Variants in STIL observed in about 807,000 individuals in gnomAD.
The protein encoded by STIL is SCL-interrupting locus protein.
STIL carries 55 observed loss-of-function variants against 110.1 expected under a neutral mutation model. The observed-to-expected ratio is 0.50, with a 90% CI of 0.40 to 0.63. The LOEUF is 0.63. STIL is among the 20% of genes least tolerant of loss of function. The probability of loss-of-function intolerance (pLI) is 0.00; values close to 1 mark genes in which losing one functional copy is unlikely to be tolerated. For synonymous variants in STIL, 481 were observed against 530.0 expected (o/e 0.91, Z 1.27); for missense variants, 1,358 against 1,530.0 (o/e 0.89, Z 1.87).
chr1:47,250,962 G>T lies in STIL; in HGVS notation c.*174C>A. ...TTGAACAGCTCTATTTGAACAATGA[G>T]AACTTAGTCCTATCACCAGCCAGCC... On this transcript the variant is annotated 3_prime_UTR_variant, in exon 17 of 17. Transcript: ENST00000371877. 1.6e-6 allele frequency: 1 copy of T among 616,970 alleles called. No homozygotes were observed. Among genetic ancestry groups the T allele is most frequent in the Non-Finnish European group, 2.8e-6 (1 of 357,364 alleles). 38.2% of individuals were successfully genotyped at this position (616,970 alleles called of 1,614,324 possible).
upstream of STIL, chr1:47,314,188 A>T (rs936929187): frequency 1.3e-5 from 2 of 152,208 alleles, no homozygotes; most frequent in Non-Finnish European, 2.9e-5. Context: ...AGGCCGCGCC[A>T]CGCCTGCTGA....
At chr1:47,274,702 TAAA>T (rs1177801134) in intron 12 of STIL, among the ~76,000 whole-genome samples, 1 of 137,846 alleles carries the variant, frequency 7.3e-6, no homozygotes, top group African/African-American at 2.7e-5. Flanking sequence ...TCTTCTCCAT[TAAA>T]AAAAAAAAAG....
chr1:47,280,934 T>C lies in STIL; in HGVS notation c.1524A>G (p.Pro508=), dbSNP rs781206759. The change falls in exon 12 of 17, where the codon CCA becomes CCG. Residue 508 remains proline, a synonymous_variant. Transcript: ENST00000371877. ...ALLRHCKVRQ[P]PAYKKGNPHT... ...GGGGGTTCCCTTTCTTATAGGCAGG[T>C]GGCTGTCTTACTTTGCAGTGTCTCA... 6.2e-7 allele frequency: 1 copy of C among 1,612,926 alleles called. No homozygotes were observed. Among genetic ancestry groups the C allele is most frequent in the Non-Finnish European group, 8.5e-7 (1 of 1,179,774 alleles).
chr1:47,260,493 T>G lies in STIL; in HGVS notation c.2876A>C (p.Gln959Pro). The G allele has an allele frequency of 6.2e-7, 1 of 1,614,248 alleles. No homozygotes were observed. Among genetic ancestry groups the G allele is most frequent in the Non-Finnish European group, 8.5e-7 (1 of 1,180,042 alleles). The change falls in exon 16 of 17, where the codon CAG (glutamine) becomes CCG (proline). Residue 959 changes from glutamine to proline, a missense_variant. Transcript: ENST00000371877. ...GATAATTACTGCTTTGGTAGACGGC[T>G]GCTCAGTTTCCTTGGAGGAACTATT... is the stretch of plus-strand genomic sequence containing the variant. ...LLNSSSKETE[Q>P]PSTKAVIISH...
At position 47,260,878 on chromosome 1, in the gene STIL, T is replaced by A. The variant is rs146333610; in HGVS notation, c.2830-339A>T. Among the ~76,000 whole-genome samples the A allele has an allele frequency of 2.6e-3, 393 of 151,938 alleles. 1 individual carries two copies. Among genetic ancestry groups the A allele is most frequent in the African/African-American group, 9.0e-3 (374 of 41,440 alleles). On this transcript the variant is annotated intron_variant, in intron 15 of 16. Transcript: ENST00000371877. ...ACTCTGTCTCTAAAAAAATTAAAAT[T>A]AAAAAAAAGTTAAAAAACAATTTTA...
At chr1:47,284,301 TA>T (rs1231941120) in intron 10 of STIL, among the ~76,000 whole-genome samples, 1 of 152,174 alleles carries the variant, frequency 6.6e-6, no homozygotes, top group Non-Finnish European at 1.5e-5. Flanking sequence ...TGATAACATT[TA>T]AAATGACTGT....
At chr1:47,290,328 G>A (rs1425365341) in intron 8 of STIL, among the ~76,000 whole-genome samples, 1 of 152,128 alleles carries the variant, frequency 6.6e-6, no homozygotes, top group Non-Finnish European at 1.5e-5. Context: ...GGGGAAAACC[G>A]TTACTATATA....
chr1:47,287,971 T>C (rs1570195182), intron 9 of STIL, among the ~76,000 whole-genome samples: 1 of 149,962 alleles, frequency 6.7e-6, no homozygotes, highest in African/African-American at 2.4e-5. Context: ...TACAAAAACT[T>C]TATAGCTTAC....
intron 12 of STIL, among the ~76,000 whole-genome samples, chr1:47,279,632 G>GT (rs1645093409): frequency 6.6e-6 from 1 of 151,494 alleles, no homozygotes; most frequent in Non-Finnish European, 1.5e-5. Context: ...GCAGGGCTGA[G>GT]GCAGGAAGAT....
intron 2 of STIL, among the ~76,000 whole-genome samples, chr1:47,308,033 A>T (rs1247141658): frequency 6.6e-6 from 1 of 152,218 alleles, no homozygotes; most frequent in Non-Finnish European, 1.5e-5. Flanking sequence ...TATCAATGAC[A>T]GTGGTGCCCA....
intron 13 of STIL, 64 bp downstream of exon 13, chr1:47,272,012 A>C (rs939080560): frequency 7.0e-6 from 11 of 1,563,758 alleles, no homozygotes; most frequent in Non-Finnish European, 7.8e-6. Context: ...CATAAAATTC[A>C]AAAACCAGAT....
intron 16 of STIL, among the ~76,000 whole-genome samples, chr1:47,259,578 C>T (rs952876208): frequency 3.3e-5 from 5 of 152,058 alleles, no homozygotes; most frequent in African/African-American, 9.7e-5. Flanking sequence ...CGTGAGCCAC[C>T]GCGCCCGGCC....
chr1:47,253,943 C>T (rs1170051320), intron 16 of STIL, among the ~76,000 whole-genome samples: 2 of 152,044 alleles, frequency 1.3e-5, no homozygotes, highest in Non-Finnish European at 2.9e-5. Context: ...CTTTGGGAGG[C>T]CGAGGTGAGC....
At position 47,282,454 on chromosome 1, in the gene STIL, G is replaced by A. The variant is rs747628168; in HGVS notation, c.1139C>T (p.Ser380Phe). ...ASKNFSIKRS[S>F]QKLSSGKMPI... ...CATCTTCCCAGAAGATAACTTTTGG[G>A]AAGACCTAAAGAATAGAAGGGGAGA... Residue 380 changes from serine (S) to phenylalanine (F), a missense_variant, in exon 11 of 17, where the codon TCC becomes TTC. Transcript: ENST00000371877. 1 of 1,605,060 alleles carries A rather than the reference G, an allele frequency of 6.2e-7. No individual in the cohort carries two copies. Among genetic ancestry groups the A allele is most frequent in the Non-Finnish European group, 8.5e-7 (1 of 1,172,968 alleles).
At chr1:47,265,568 G>C (rs569473947) in intron 14 of STIL, among the ~76,000 whole-genome samples, 196 of 151,838 alleles carry the variant, frequency 1.3e-3, no homozygotes, top group Non-Finnish European at 1.7e-3. Flanking sequence ...ATCATCTGAG[G>C]TCAGGAGTTG....
At chr1:47,292,177 C>T (rs1372337055) in intron 8 of STIL, among the ~76,000 whole-genome samples, 1 of 151,708 alleles carries the variant, frequency 6.6e-6, no homozygotes, top group African/African-American at 2.4e-5. Flanking sequence ...GTCTGGGGAC[C>T]TTTATTTTGT....
At chr1:47,270,255 T>TATAAAC (rs775684329) in intron 13 of STIL, among the ~76,000 whole-genome samples, 1 of 119,398 alleles carries the variant, frequency 8.4e-6, no homozygotes, top group African/African-American at 3.3e-5. Flanking sequence ...TATATATATA[T>TATAAAC]ACACACACAC....
In STIL at chr1:47,310,582, C is replaced by A. The variant is rs1046476386; in HGVS notation, c.-43-220G>T. On this transcript the variant is annotated intron_variant, in intron 1 of 16. Coordinates refer to ENST00000371877, the MANE Select transcript of STIL (RefSeq NM_001048166.1). The stretch of plus-strand genomic sequence containing the variant: ...TAATATTTATTCTAGGCAGCAAAAT[C>A]TACCAATATATCTATCCCTTAAGGA... Among the ~76,000 whole-genome samples the A allele has an allele frequency of 3.3e-5, 5 of 152,274 alleles. No homozygotes were observed. In the East Asian group the frequency reaches 9.6e-4, roughly 29 times the overall value.
chr1:47,289,085 AACAT>A (rs1645400104), intron 9 of STIL, among the ~76,000 whole-genome samples: 1 of 150,710 alleles, frequency 6.6e-6, no homozygotes, highest in African/African-American at 2.4e-5. Flanking sequence ...AAAAAAAAAA[AACAT>A]CAGGACAAAG....
Sources: gnomAD v4.1 joint callset for allele counts (sites outside exome capture counted in the v4.1 genomes callset) on GRCh38, gnomAD v4.1.1 for gene constraint, MANE v1.5 for transcripts, NCBI Gene and HGNC (gene_info 2026-07-23, HGNC 2026-07-21) for gene names.